The following RAP1GAP2 variants were observed in gnomAD, a reference collection of about 807,000 sequenced individuals.
The protein encoded by RAP1GAP2 is RAP1 GTPase activating protein 2, also known as rap1 GTPase-activating protein 2.
In RAP1GAP2, 27 loss-of-function variants were observed where a neutral mutation model predicts 95.0. That is an observed-to-expected ratio of 0.28 (90% CI 0.21 to 0.39). The LOEUF (loss-of-function observed/expected upper bound fraction) is 0.39, where lower values mean the gene tolerates loss of function less well. RAP1GAP2 is among the 10% of genes least tolerant of loss of function. The pLI is 1.00. For missense variants in RAP1GAP2, 771 were observed against 970.0 expected, an observed-to-expected ratio of 0.79 and a Z score of 2.72; for synonymous variants, 373 against 380.9, an observed-to-expected ratio of 0.98 and a Z score of 0.24.
chr17:2,769,177 A>G (rs568195103), intron 1 of RAP1GAP2, among the ~76,000 whole-genome samples: 3 of 145,278 alleles, frequency 2.1e-5, no homozygotes, highest in East Asian at 4.3e-4. Flanking sequence ...GGCTTCAGTG[A>G]ACTATAATTG....
chr17:2,908,925 G>A (rs1220500774), intron 3 of RAP1GAP2, among the ~76,000 whole-genome samples: 1 of 151,956 alleles, frequency 6.6e-6, no homozygotes, highest in Non-Finnish European at 1.5e-5. Context: ...AGGCTGGTCT[G>A]AGACTCTTGG....
In RAP1GAP2 at chr17:3,005,541, T is replaced by G; in HGVS notation, c.1272+101T>G. On this transcript the variant is annotated intron_variant, in intron 15 of 24. Coordinates refer to ENST00000254695, the MANE Select transcript of RAP1GAP2 (RefSeq NM_015085.5). The surrounding 1 kb of genome is among the most constrained non-coding windows in gnomAD (Gnocchi z 5.2). ...GGAGCCAAATTCAGGCTGGGAACAT[T>G]AGGGAGCTCCTTTTGCAGGTTTTGG... 2 of 1,336,626 alleles carry G rather than the reference T, an allele frequency of 1.5e-6. No individual in the cohort carries two copies. The highest frequency in any genetic ancestry group is 2.2e-6 in the Non-Finnish European group (2 of 928,198). 82.8% of individuals were successfully genotyped at this position (1,336,626 alleles called of 1,614,324 possible).
chr17:2,787,650 C>T (rs1306735476), intron 1 of RAP1GAP2, among the ~76,000 whole-genome samples: 4 of 152,166 alleles, frequency 2.6e-5, no homozygotes, highest in Admixed American at 2.0e-4. Flanking sequence ...TCACTGCAAG[C>T]TGCCTCTCCC....
At chr17:2,940,805 G>A (rs1567801964) in intron 3 of RAP1GAP2, among the ~76,000 whole-genome samples, 2 of 152,170 alleles carry the variant, frequency 1.3e-5, no homozygotes, top group Admixed American at 6.5e-5. Flanking sequence ...TGCCAGCCCG[G>A]GACTGGCTGT....
At position 2,825,707 on chromosome 17, in the gene RAP1GAP2, C is replaced by T. The variant is rs141395889; in HGVS notation, c.80+25157C>T. ...GAAAAGCACTTAGCATGGTGCTTGG[C>T]GCAGAGTTAGTGCTCGTGACTGCAG... On this transcript the variant is annotated intron_variant, in intron 2 of 24. Transcript: ENST00000254695. This position sits in a 1 kb window ranked among gnomAD's most constrained non-coding sequence, Gnocchi z 4.1. 7.9e-5 allele frequency among the ~76,000 whole-genome samples: 12 copies of T among 152,188 alleles called. No individual in the cohort carries two copies. In the South Asian group the frequency reaches 8.4e-4, roughly 11 times the overall value.
intron 3 of RAP1GAP2, among the ~76,000 whole-genome samples, chr17:2,932,089 G>T (rs1052558506): frequency 2.0e-5 from 3 of 152,220 alleles, no homozygotes; most frequent in Admixed American, 1.3e-4. Flanking sequence ...GTAATCCGTT[G>T]TCCCAGGTGG....
chr17:2,939,424 A>T (rs1479991493), intron 3 of RAP1GAP2, among the ~76,000 whole-genome samples: 1 of 152,138 alleles, frequency 6.6e-6, no homozygotes, highest in African/African-American at 2.4e-5. Context: ...CACACCTCTT[A>T]GGTGGTGTGA....
intron 2 of RAP1GAP2, among the ~76,000 whole-genome samples, chr17:2,771,406 A>C: frequency 6.6e-6 from 1 of 151,688 alleles, no homozygotes; most frequent in East Asian, 1.9e-4. Flanking sequence ...ACCCTTCTGC[A>C]GCCACAGCGC....
intron 3 of RAP1GAP2, among the ~76,000 whole-genome samples, chr17:2,948,460 A>G (rs988893806): frequency 6.6e-6 from 1 of 152,094 alleles, no homozygotes; most frequent in Non-Finnish European, 1.5e-5. Context: ...GAGGGAAGGA[A>G]CAGGTGGATG....
At chr17:3,020,450 C>T in intron 18 of RAP1GAP2, 27 bp from the exon 19 acceptor site, 6 of 1,581,320 alleles carry the variant, frequency 3.8e-6, no homozygotes, top group Non-Finnish European at 5.2e-6. Flanking sequence ...GGGCCGGGAG[C>T]ACTCATTTTG....
At chr17:2,997,332 C>T (rs2045994594) in intron 13 of RAP1GAP2, among the ~76,000 whole-genome samples, 2 of 152,216 alleles carry the variant, frequency 1.3e-5, no homozygotes, top group Non-Finnish European at 2.9e-5. Context: ...GGTTGCTTTC[C>T]AGCCCTGTAA....
Position 2,969,496 on chromosome 17 carries a change from CTTTTTTTTTT to C in RAP1GAP2, c.596+3867_596+3876del, listed in dbSNP as rs34468461. 4.3e-4 allele frequency among the ~76,000 whole-genome samples: 36 copies of C among 83,784 alleles called. 1 individual carries two copies. Among genetic ancestry groups the C allele is most frequent in the African/African-American group, 1.8e-4 (4 of 21,968 alleles). The allele number at this position is 83,784 out of a possible 152,430, so 55.0% of individuals were successfully genotyped here. On this transcript the variant is annotated intron_variant, in intron 8 of 24. Transcript: ENST00000254695. ...GTAAAGATGTGTAAATATATATATT[CTTTTTTTTTT>C]TTTTTTTTTTTTTGAGATGGAGTCT...
In RAP1GAP2 at chr17:3,029,031, C is replaced by T. The variant is rs183971095; in HGVS notation, c.2108-1891C>T. 5.9e-4 allele frequency among the ~76,000 whole-genome samples: 90 copies of T among 152,276 alleles called. 1 individual carries two copies. Among genetic ancestry groups the T allele is most frequent in the African/African-American group, 2.1e-3 (86 of 41,538 alleles). On this transcript the variant is annotated intron_variant, in intron 22 of 24. Transcript: ENST00000254695. This position sits in a 1 kb window ranked among gnomAD's most constrained non-coding sequence, Gnocchi z 4.4. ...GCCAGGCTGGTCTCGAACTCCTGAC[C>T]TCGTGATCCACCCACCTCGGCCTCC...
At chr17:2,939,982 C>G (rs756287425) in intron 3 of RAP1GAP2, among the ~76,000 whole-genome samples, 2 of 152,256 alleles carry the variant, frequency 1.3e-5, no homozygotes, top group African/African-American at 4.8e-5. Flanking sequence ...CAGCCGCCGC[C>G]GTGGTGGTAG....
intron 3 of RAP1GAP2, among the ~76,000 whole-genome samples, chr17:2,921,715 A>ACAGGGCCGTTAAGGTGTCCG (rs142527123): frequency 0.2 from 29,228 of 149,456 alleles, 5,069 homozygotes; most frequent in African/African-American, 0.46. Flanking sequence ...TTATGTGTCC[A>ACAGGGCCGTTAAGGTGTCCG]CAGGGCCGTT....
At chr17:2,805,217 C>A (rs1224530086) in intron 2 of RAP1GAP2, among the ~76,000 whole-genome samples, 1 of 152,196 alleles carries the variant, frequency 6.6e-6, no homozygotes, top group Admixed American at 6.5e-5. Context: ...GTGGGGATCC[C>A]TCTTCTCCAG....
chr17:2,886,594 T>G (rs1159001141), intron 2 of RAP1GAP2, among the ~76,000 whole-genome samples: 1 of 152,260 alleles, frequency 6.6e-6, no homozygotes, highest in African/African-American at 2.4e-5. Flanking sequence ...TTGTAGGCAT[T>G]TAGCGAAGCA....
At chr17:2,806,034 A>C (rs1168121150) in intron 2 of RAP1GAP2, among the ~76,000 whole-genome samples, 1 of 152,192 alleles carries the variant, frequency 6.6e-6, no homozygotes, top group African/African-American at 2.4e-5. Context: ...GATGAAGCCC[A>C]TGATGGGACC....
intron 2 of RAP1GAP2, among the ~76,000 whole-genome samples, chr17:2,886,470 G>A (rs1423308466): frequency 1.3e-5 from 2 of 152,000 alleles, no homozygotes; most frequent in African/African-American, 4.8e-5. Flanking sequence ...ACCGTGCCCG[G>A]CCATATGTAT....
Sources: gnomAD v4.1 joint callset for allele counts (sites outside exome capture counted in the v4.1 genomes callset) on GRCh38, gnomAD v4.1.1 for gene constraint, Gnocchi (gnomAD v3.1) non-coding constraint, MANE v1.5 for transcripts, NCBI Gene and HGNC (gene_info 2026-07-23, HGNC 2026-07-21) for gene names.